The following CTPS2 variants were observed in gnomAD, a reference collection of about 807,000 sequenced individuals.
CTPS2 encodes CTP synthase II.
Under a neutral mutation model 46.8 loss-of-function variants are expected in CTPS2, and 19 were observed. That is an observed-to-expected ratio of 0.41 (90% CI 0.28 to 0.60). CTPS2 has a LOEUF of 0.60. Among genes scored for constraint, CTPS2 ranks in the 20% least tolerant of loss-of-function variants. CTPS2 has a pLI of 0.35. For synonymous variants in CTPS2, 151 were observed against 165.2 expected (o/e 0.91, Z 0.66); for missense variants, 286 against 447.6 (o/e 0.64, Z 3.26).
At chrX:16,687,059 A>G (rs1487618971) in intron 8 of CTPS2, among the ~76,000 whole-genome samples, 2 of 110,976 alleles carry the variant, frequency 1.8e-5, no homozygotes, top group African/African-American at 3.3e-5. Flanking sequence ...GAAGGAACCA[A>G]CCCTGTGGAT....
chrX:16,660,145 G>A (rs745640755), intron 13 of CTPS2, among the ~76,000 whole-genome samples: 7 of 111,383 alleles, frequency 6.3e-5, no homozygotes, highest in East Asian at 2.8e-4. Flanking sequence ...ACTATTTTCC[G>A]TAATAGTAAT....
intron 17 of CTPS2, among the ~76,000 whole-genome samples, chrX:16,596,527 A>AT (rs1486264920): frequency 9.1e-6 from 1 of 109,822 alleles, no homozygotes; most frequent in Admixed American, 9.7e-5. Flanking sequence ...TGAACTCATC[A>AT]TTTTTTATGG....
intron 1 of CTPS2, among the ~76,000 whole-genome samples, chrX:16,711,262 G>T (rs1925446145): frequency 8.9e-6 from 1 of 112,261 alleles, no homozygotes; most frequent in South Asian, 3.6e-4. Flanking sequence ...AACGCACAAT[G>T]TAAGAATGTA....
At chrX:16,688,938 A>AT (rs200595567) in intron 8 of CTPS2, among the ~76,000 whole-genome samples, 4,367 of 108,701 alleles carry the variant, frequency 0.04, 223 homozygotes, top group African/African-American at 0.14. Flanking sequence ...TACAAAAAAA[A>AT]AAAAATATAT....
chrX:16,667,920 G>A (rs1921332532), intron 11 of CTPS2, among the ~76,000 whole-genome samples, 196 bp from the exon 12 acceptor site: 2 of 107,893 alleles, frequency 1.9e-5, no homozygotes, highest in Admixed American at 2.1e-4. Flanking sequence ...AGACTATCAT[G>A]AAGCCGCCTA....
At chrX:16,696,895 C>CA (rs35060928) in intron 4 of CTPS2, among the ~76,000 whole-genome samples, 1 of 33,203 alleles carries the variant, frequency 3.0e-5, no homozygotes, top group African/African-American at 6.6e-4. Context: ...ATTTAATCCC[C>CA]AATCCTGTTA....
intron 17 of CTPS2, among the ~76,000 whole-genome samples, chrX:16,594,141 G>T (rs955860424): frequency 5.4e-5 from 6 of 111,572 alleles, no homozygotes; most frequent in African/African-American, 9.8e-5. Flanking sequence ...ACAGGGTAGG[G>T]TTTAAGCTGT....
intron 15 of CTPS2, among the ~76,000 whole-genome samples, chrX:16,619,693 G>A (rs1215302623): frequency 8.9e-6 from 1 of 111,738 alleles, no homozygotes; most frequent in Non-Finnish European, 1.9e-5. Context: ...CAAATGCATC[G>A]TAATTGACAC....
In CTPS2 at chrX:16,693,237, G is replaced by T. The variant is rs780046320; in HGVS notation, c.556-13C>A. 32 of 1,187,528 alleles carry T rather than the reference G, an allele frequency of 2.7e-5. No individual in the cohort carries two copies. The highest frequency in any genetic ancestry group is 3.7e-5 in the Non-Finnish European group (32 of 875,798). ...CGGTAGCACTGAGCTGAAAAAAAAT[G>T]GGGTCCCGTCAGCACACTGGACACT... On this transcript the variant is annotated splice_polypyrimidine_tract_variant and intron_variant, in intron 5 of 18. Transcript: ENST00000359276.
chrX:16,608,997 C>T (rs1189375718), intron 17 of CTPS2, among the ~76,000 whole-genome samples: 1 of 111,252 alleles, frequency 9.0e-6, no homozygotes, highest in Non-Finnish European at 1.9e-5. Context: ...GCAGAAGCCA[C>T]AAAAGTAAAA....
chrX:16,639,137 G>A lies in CTPS2; in HGVS notation c.1393+10C>T, dbSNP rs756548967. 8 of 1,159,116 alleles carry A rather than the reference G, an allele frequency of 6.9e-6. No individual in the cohort carries two copies. In the South Asian group the frequency reaches 9.0e-5, roughly 13 times the overall value. ...AACATCTTGTAAAATAAACAATATGGGAAACTTACTTAATATTGAATTTTC... is the reference window on the plus strand; with the variant it reads ...AACATCTTGTAAAATAAACAATATGAGAAACTTACTTAATATTGAATTTTC... On this transcript the variant is annotated intron_variant, in intron 14 of 18. Coordinates refer to ENST00000359276, the MANE Select transcript of CTPS2 (RefSeq NM_175859.3).
rs765469724 is a variant in CTPS2, at chrX:16,667,657, C to T, written c.1252+5G>A. Reference sequence around the variant, plus strand: ...TAAATGGTCATTAGCAAACCTCGAACTTACCTTTCAAGTTAAGGCAGTTTC... The same window carrying T: ...TAAATGGTCATTAGCAAACCTCGAATTTACCTTTCAAGTTAAGGCAGTTTC... On this transcript the variant is annotated splice_donor_5th_base_variant and intron_variant, in intron 12 of 18. Coordinates refer to ENST00000359276, the MANE Select transcript of CTPS2 (RefSeq NM_175859.3). 3.3e-6 allele frequency: 4 copies of T among 1,209,247 alleles called. No homozygotes were observed. The highest frequency in any genetic ancestry group is 1.7e-5 in the African/African-American group (1 of 57,209).
chrX:16,712,046 G>A (rs1196777283), intron 1 of CTPS2: 1 of 110,652 alleles, frequency 9.0e-6, no homozygotes, highest in African/African-American at 3.3e-5. Flanking sequence ...GAGGCGGGAA[G>A]AAGCGCGTCC....
At chrX:16,619,175 A>G (rs1397098807) in intron 15 of CTPS2, among the ~76,000 whole-genome samples, 1 of 112,121 alleles carries the variant, frequency 8.9e-6, no homozygotes, top group Non-Finnish European at 1.9e-5. Context: ...CTTGGCATTG[A>G]TTCCCACGAG....
chrX:16,670,442 C>T, intron 11 of CTPS2, 138 bp downstream of exon 11: 1 of 468,656 alleles, frequency 2.1e-6, no homozygotes, highest in South Asian at 3.9e-5. Flanking sequence ...AGTTTGTTGA[C>T]CCTATAGCAG....
At chrX:16,595,684 C>T in intron 17 of CTPS2, among the ~76,000 whole-genome samples, 1 of 112,177 alleles carries the variant, frequency 8.9e-6, no homozygotes, top group Middle Eastern at 4.6e-3. Context: ...TCCTCATTTG[C>T]ACCTGTCACA....
At chrX:16,684,909 G>A (rs757025538) in intron 8 of CTPS2, among the ~76,000 whole-genome samples, 5 of 111,447 alleles carry the variant, frequency 4.5e-5, no homozygotes, top group South Asian at 3.8e-4. Context: ...TGGCCAACAC[G>A]GTGAAACCCT....
chrX:16,647,369 G>A (rs767319172), intron 13 of CTPS2, among the ~76,000 whole-genome samples: 29 of 99,034 alleles, frequency 2.9e-4, no homozygotes, highest in Non-Finnish European at 5.4e-4. Context: ...CCGGGTTCAA[G>A]CAATTCTCCT....
chrX:16,674,717 A>G lies in CTPS2; in HGVS notation c.1094+3645T>C, dbSNP rs372483630. 4.7e-5 allele frequency among the ~76,000 whole-genome samples: 5 copies of G among 107,201 alleles called. No individual in the cohort carries two copies. In the East Asian group the frequency reaches 9.1e-4, roughly 20 times the overall value. The allele number at this position is 107,201 out of a possible 115,157, so 93.1% of individuals were successfully genotyped here. A position where few individuals can be genotyped will look rare whatever the true frequency, so the allele number is the denominator to read the frequency against. ...GCCGGGCGTGGTGGCAGGCGCCTGT[A>G]GTCCCAGCTACTCGGGAGGCTGAGG... On this transcript the variant is annotated intron_variant, in intron 10 of 18. Transcript: ENST00000359276.
Sources: gnomAD v4.1 joint callset for allele counts (sites outside exome capture counted in the v4.1 genomes callset) on GRCh38, gnomAD v4.1.1 for gene constraint, MANE v1.5 for transcripts, NCBI Gene and HGNC (gene_info 2026-07-23, HGNC 2026-07-21) for gene names.